ERG: variants seen among roughly 807,000 people sequenced by gnomAD.
ERG encodes ETS transcription factor ERG, also known as transcriptional regulator ERG.
In ERG, 9 loss-of-function variants were observed where a neutral mutation model predicts 55.3. The ratio of observed to expected loss-of-function variants is 0.16; its 90% CI spans 0.10 to 0.28. The LOEUF (loss-of-function observed/expected upper bound fraction) is 0.28, where lower values mean the gene tolerates loss of function less well. Among genes scored for constraint, ERG ranks in the 10% least tolerant of loss-of-function variants. The pLI, the probability that ERG is intolerant of heterozygous loss-of-function variation, is 1.00. For missense variants in ERG, 434 were observed against 631.6 expected, an observed-to-expected ratio of 0.69 and a Z score of 3.35; for synonymous variants, 223 against 237.3, an observed-to-expected ratio of 0.94 and a Z score of 0.55.
intron 1 of ERG, chr21:38,575,867 T>C (rs2059991697): frequency 1.3e-6 from 1 of 776,420 alleles, no homozygotes; most frequent in Admixed American, 2.3e-5. Flanking sequence ...ACATTAAACA[T>C]GTTTGCCTAA....
intron 2 of ERG, among the ~76,000 whole-genome samples, chr21:38,558,477 A>T (rs1398949978): frequency 6.6e-6 from 1 of 152,226 alleles, no homozygotes; most frequent in Non-Finnish European, 1.5e-5. Flanking sequence ...TTTTCCAAGG[A>T]CATTCAAAAA....
chr21:38,620,497 G>A (rs2060284063), intron 1 of ERG, among the ~76,000 whole-genome samples: 1 of 152,112 alleles, frequency 6.6e-6, no homozygotes, highest in South Asian at 2.1e-4. Flanking sequence ...AAGAACAATG[G>A]TCTTACTTAC....
At chr21:38,595,248 C>T (rs1487558839) in intron 1 of ERG, among the ~76,000 whole-genome samples, 9 of 152,116 alleles carry the variant, frequency 5.9e-5, no homozygotes. Flanking sequence ...CAGGAGACTA[C>T]AGGGAGGGAA....
chr21:38,610,510 C>T (rs1240126622), intron 1 of ERG, among the ~76,000 whole-genome samples: 1 of 140,656 alleles, frequency 7.1e-6, no homozygotes, highest in Non-Finnish European at 1.5e-5. Context: ...ACTAGTAGTC[C>T]ACGTGCGCGC....
At position 38,460,825 on chromosome 21, in the gene ERG, G is replaced by A. The variant is rs185689995; in HGVS notation, c.19-15204C>T. ...TGGGTGTGAGGCTGTAGGTTTTAACGAGCTCTGAATGGCAAATGGCAGACA... is the reference window on the plus strand; with the variant it reads ...TGGGTGTGAGGCTGTAGGTTTTAACAAGCTCTGAATGGCAAATGGCAGACA... On this transcript the variant is annotated intron_variant, in intron 1 of 9. Coordinates refer to ENST00000288319, the MANE Select transcript of ERG (RefSeq NM_182918.4). This position sits in a 1 kb window ranked among gnomAD's most constrained non-coding sequence, Gnocchi z 5.0. Among the ~76,000 whole-genome samples the A allele has an allele frequency of 9.9e-5, 15 of 152,276 alleles. No individual in the cohort carries two copies. The highest frequency in any genetic ancestry group is 3.9e-4 in the East Asian group (2 of 5,182).
intron 1 of ERG, among the ~76,000 whole-genome samples, chr21:38,486,642 G>C (rs1455352426): frequency 6.6e-6 from 1 of 152,078 alleles, no homozygotes. Context: ...TGAGATATGA[G>C]AGTAAATTAA....
At position 38,453,812 on chromosome 21, in the gene ERG, A is replaced by AG. The variant is rs1450369180; in HGVS notation, c.19-8192dup. On this transcript the variant is annotated intron_variant, in intron 1 of 9. Coordinates refer to ENST00000288319, the MANE Select transcript of ERG (RefSeq NM_182918.4). ...GACAAGAGAATCGCTTGAACCCGGG[A>AG]GGGGGAGGCTGCAGTGAGCTGAGAT... 2.1e-5 allele frequency among the ~76,000 whole-genome samples: 3 copies of AG among 142,010 alleles called. No individual in the cohort carries two copies. In the East Asian group the frequency reaches 6.5e-4, roughly 31 times the overall value. 93.2% of individuals were successfully genotyped at this position (142,010 alleles called of 152,430 possible). A position where few individuals can be genotyped will look rare whatever the true frequency, so the allele number is the denominator to read the frequency against.
chr21:38,491,207 A>T (rs1176829714), intron 1 of ERG, among the ~76,000 whole-genome samples: 12 of 51,380 alleles, frequency 2.3e-4, no homozygotes, highest in Non-Finnish European at 3.9e-4. Flanking sequence ...TGTCAAAATT[A>T]AAAAAAAAAA....
At chr21:38,494,968 G>C (rs543793874) in intron 1 of ERG, among the ~76,000 whole-genome samples, 2 of 152,350 alleles carry the variant, frequency 1.3e-5, no homozygotes, top group East Asian at 3.9e-4. Context: ...AACACTCAGA[G>C]CATGCTCTGA....
intron 3 of ERG, among the ~76,000 whole-genome samples, chr21:38,404,347 A>T (rs1166688626): frequency 2.0e-5 from 3 of 152,172 alleles, no homozygotes; most frequent in Non-Finnish European, 4.4e-5. Context: ...CAGCACCTGC[A>T]GGAGTGGGGT....
At chr21:38,434,096 T>C (rs1342298438) in intron 2 of ERG, among the ~76,000 whole-genome samples, 1 of 152,132 alleles carries the variant, frequency 6.6e-6, no homozygotes, top group Non-Finnish European at 1.5e-5. Context: ...CCAGAGCCCC[T>C]CCCTAGATTC....
At chr21:38,598,591 G>T (rs937972194) in intron 1 of ERG, among the ~76,000 whole-genome samples, 9 of 152,190 alleles carry the variant, frequency 5.9e-5, no homozygotes. Flanking sequence ...CACAGCAGCG[G>T]TGCACTCTCT....
At chr21:38,462,395 C>T (rs1286140132) in intron 1 of ERG, among the ~76,000 whole-genome samples, 1 of 152,000 alleles carries the variant, frequency 6.6e-6, no homozygotes, top group East Asian at 1.9e-4. Flanking sequence ...AATCCTCAAC[C>T]AATCTTAAGA....
At chr21:38,544,106 A>C (rs991495441) in intron 2 of ERG, among the ~76,000 whole-genome samples, 1 of 152,174 alleles carries the variant, frequency 6.6e-6, no homozygotes, top group African/African-American at 2.4e-5. Flanking sequence ...GACCCAAAGA[A>C]AGTGAGGAAC....
At chr21:38,556,561 C>G (rs1403324791) in intron 2 of ERG, among the ~76,000 whole-genome samples, 3 of 152,118 alleles carry the variant, frequency 2.0e-5, no homozygotes, top group African/African-American at 7.2e-5. Flanking sequence ...GGTACCCAGA[C>G]AGACTATATT....
chr21:38,485,102 C>T (rs1370521376), intron 1 of ERG, among the ~76,000 whole-genome samples: 8 of 152,018 alleles, frequency 5.3e-5, no homozygotes, highest in Admixed American at 5.2e-4. Flanking sequence ...GATGACAGCT[C>T]CACACAGATT....
chr21:38,570,664 G>A (rs920180502), intron 2 of ERG, among the ~76,000 whole-genome samples: 27 of 152,156 alleles, frequency 1.8e-4, no homozygotes, highest in African/African-American at 6.5e-4. Flanking sequence ...AAGGCACAAA[G>A]AAACTAAGGA....
intron 2 of ERG, among the ~76,000 whole-genome samples, chr21:38,565,823 G>A (rs1163515250): frequency 3.3e-5 from 5 of 152,162 alleles, no homozygotes; most frequent in South Asian, 2.1e-4. Flanking sequence ...TCTCAGCCAC[G>A]GGAATGGAAG....
At chr21:38,462,707 G>A (rs574592528) in intron 1 of ERG, among the ~76,000 whole-genome samples, 67 of 152,242 alleles carry the variant, frequency 4.4e-4, no homozygotes, top group African/African-American at 1.4e-3. Flanking sequence ...ACTGAGAGTC[G>A]GGGGTTGGCA....
Sources: gnomAD v4.1 joint callset for allele counts (sites outside exome capture counted in the v4.1 genomes callset) on GRCh38, gnomAD v4.1.1 for gene constraint, Gnocchi (gnomAD v3.1) non-coding constraint, MANE v1.5 for transcripts, NCBI Gene and HGNC (gene_info 2026-07-23, HGNC 2026-07-21) for gene names.